PPP1R36: variants seen among roughly 807,000 people sequenced by gnomAD.
The protein encoded by PPP1R36 is chromosome 14 open reading frame 50.
A neutral mutation model predicts 53.4 loss-of-function variants in PPP1R36; 47 were observed. That is an observed-to-expected ratio of 0.88 (90% CI 0.70 to 1.12). PPP1R36 has a LOEUF of 1.12. Ranked by LOEUF, PPP1R36 falls within the 50% of genes most tolerant of loss-of-function variation. The probability of loss-of-function intolerance (pLI) is 0.00; values close to 1 mark genes in which losing one functional copy is unlikely to be tolerated. For synonymous variants in PPP1R36, 153 were observed against 170.5 expected, an observed-to-expected ratio of 0.90 and a Z score of 0.80; for missense variants, 456 against 513.9, an observed-to-expected ratio of 0.89 and a Z score of 1.09.
intron 6 of PPP1R36, among the ~76,000 whole-genome samples, chr14:64,566,101 C>T (rs187817929): frequency 6.6e-6 from 1 of 152,182 alleles, no homozygotes; most frequent in Non-Finnish European, 1.5e-5. Context: ...AACCCCGTCT[C>T]TACTAAAAAT....
chr14:64,582,656 G>T (rs1162126368), intron 8 of PPP1R36, among the ~76,000 whole-genome samples: 1 of 152,134 alleles, frequency 6.6e-6, no homozygotes, highest in Non-Finnish European at 1.5e-5. Context: ...CAATACTTTA[G>T]AAATATTGCT....
In PPP1R36 at chr14:64,588,239, A is replaced by T. The variant is rs1291303761; in HGVS notation, c.1026A>T (p.Arg342Ser). ...AAAAGTATCATCAAGTAGACGTCAGATTCCCAGCCGAGATGCAAAAGCATG... is the reference window on the plus strand; with the variant it reads ...AAAAGTATCATCAAGTAGACGTCAGTTTCCCAGCCGAGATGCAAAAGCATG... ...FEKKYHQVDVRFPAEMQKHVG... is the reference protein window; with the variant it reads ...FEKKYHQVDVSFPAEMQKHVG... Residue 342 changes from arginine to serine, a missense_variant, in exon 11 of 12, where the codon AGA (arginine) becomes AGT (serine). Physicochemically the swap from Arg to Ser is moderately radical, Grantham distance 110 (BLOSUM62 -1). Transcript: ENST00000298705. 6.2e-7 allele frequency: 1 copy of T among 1,613,968 alleles called. No individual in the cohort carries two copies. Among genetic ancestry groups the T allele is most frequent in the Non-Finnish European group, 8.5e-7 (1 of 1,179,946 alleles).
chr14:64,574,022 T>C (rs1398072223), intron 7 of PPP1R36, among the ~76,000 whole-genome samples: 1 of 150,908 alleles, frequency 6.6e-6, no homozygotes, highest in Non-Finnish European at 1.5e-5. Flanking sequence ...TCCTATACCA[T>C]TGCTTAAATA....
intron 7 of PPP1R36, among the ~76,000 whole-genome samples, chr14:64,569,808 G>A (rs544822209): frequency 2.0e-5 from 3 of 150,158 alleles, no homozygotes; most frequent in African/African-American, 7.4e-5. Flanking sequence ...GTGCAATCTC[G>A]GCTCACTGCA....
intron 8 of PPP1R36, among the ~76,000 whole-genome samples, chr14:64,583,811 CAAA>C (rs529491293): frequency 3.3e-5 from 1 of 30,050 alleles, no homozygotes. Context: ...AACTCCATCT[CAAA>C]AAAAAAAAAA....
At chr14:64,574,228 T>C (rs557145654) in intron 7 of PPP1R36, among the ~76,000 whole-genome samples, 21 of 152,214 alleles carry the variant, frequency 1.4e-4, no homozygotes, top group Admixed American at 2.6e-4. Flanking sequence ...TAAAAAAAGA[T>C]TAGCCAGGCA....
intron 3 of PPP1R36, chr14:64,559,547 G>A (rs2080187389): frequency 6.6e-6 from 1 of 152,326 alleles, no homozygotes; most frequent in South Asian, 2.1e-4. Context: ...ATAGGAATTG[G>A]CAAGGTAAAA....
At chr14:64,566,427 A>C (rs1160099090) in intron 6 of PPP1R36, among the ~76,000 whole-genome samples, 1 of 141,020 alleles carries the variant, frequency 7.1e-6, no homozygotes, top group Non-Finnish European at 1.5e-5. Flanking sequence ...TGGGCGACAG[A>C]GCAAGACTCC....
At chr14:64,550,631 C>G (rs1342491734) in intron 1 of PPP1R36, among the ~76,000 whole-genome samples, 1 of 152,172 alleles carries the variant, frequency 6.6e-6, no homozygotes, top group Non-Finnish European at 1.5e-5. Flanking sequence ...TTCCTCTTTT[C>G]CTACTTTCCT....
chr14:64,580,136 GA>G (rs367991259), intron 8 of PPP1R36, among the ~76,000 whole-genome samples: 2 of 151,942 alleles, frequency 1.3e-5, no homozygotes, highest in Non-Finnish European at 2.9e-5. Flanking sequence ...CCTCTCTCCA[GA>G]AAAAAATTAA....
rs778528277 is a variant in PPP1R36 at position 64,550,971 on chromosome 14, T to C, written c.120T>C (p.Thr40=). ...GGTACTGGAAAGATGAAACCAGAAC[T>C]CTTGAATTCAGAAGGTAAAATTTAA... ...GMWYWKDETR[T]LEFRRFAAED... is the part of the protein sequence containing the mutation. The change falls in exon 2 of 12, where the codon ACT becomes ACC. Residue 40 remains threonine (T), a synonymous_variant. Transcript: ENST00000298705. 18 of 1,605,768 alleles carry C rather than the reference T, an allele frequency of 1.1e-5. No individual in the cohort carries two copies. Among genetic ancestry groups the C allele is most frequent in the South Asian group, 1.0e-4 (9 of 89,854 alleles).
chr14:64,561,966 C>G (rs2080208886), intron 3 of PPP1R36: 1 of 367,170 alleles, frequency 2.7e-6, no homozygotes. Context: ...GTGGTCCAGC[C>G]CTCTGCATTT....
intron 7 of PPP1R36, 22 bp from the exon 8 acceptor site, chr14:64,574,433 T>C (rs2140239016): frequency 6.4e-7 from 1 of 1,561,246 alleles, no homozygotes; most frequent in East Asian, 2.3e-5. Context: ...CCAAATTCTC[T>C]TTTTTTTGTC....
At chr14:64,556,452 T>A (rs1448998638) in intron 3 of PPP1R36, among the ~76,000 whole-genome samples, 1 of 152,052 alleles carries the variant, frequency 6.6e-6, no homozygotes, top group Non-Finnish European at 1.5e-5. Context: ...AGCATTATTT[T>A]AAAAACTTAA....
At chr14:64,578,773 A>G (rs2080363243) in intron 8 of PPP1R36, among the ~76,000 whole-genome samples, 1 of 152,204 alleles carries the variant, frequency 6.6e-6, no homozygotes, top group Admixed American at 6.5e-5. Context: ...ACCCAGAGGA[A>G]TGTGAAGCAT....
At chr14:64,558,541 T>C (rs1329220344) in intron 3 of PPP1R36, among the ~76,000 whole-genome samples, 3 of 152,042 alleles carry the variant, frequency 2.0e-5, no homozygotes, top group Non-Finnish European at 1.5e-5. Context: ...ATCCTGCCAC[T>C]GCACTCCAGT....
chr14:64,562,081 G>T (rs1230153238), intron 3 of PPP1R36: 1 of 268,810 alleles, frequency 3.7e-6, no homozygotes, highest in East Asian at 9.8e-5. Context: ...CATCTACCTT[G>T]TACTCTGGGA....
chr14:64,566,714 C>T (rs1267663511), intron 6 of PPP1R36, among the ~76,000 whole-genome samples: 1 of 152,214 alleles, frequency 6.6e-6, no homozygotes, highest in East Asian at 1.9e-4. Flanking sequence ...CTCCCCATTC[C>T]CTCTGCACAC....
At chr14:64,565,559 C>T (rs554587013) in intron 5 of PPP1R36, 67 bp from the exon 6 acceptor site, 29 of 1,462,100 alleles carry the variant, frequency 2.0e-5, no homozygotes, top group African/African-American at 1.1e-4. Flanking sequence ...CATACATAAA[C>T]GTATCTTGTG....
Sources: allele counts gnomAD v4.1 joint callset (sites outside exome capture counted in the v4.1 genomes callset), GRCh38; gene constraint gnomAD v4.1.1; transcripts MANE v1.5; gene names NCBI Gene and HGNC (gene_info 2026-07-23, HGNC 2026-07-21).